Variants in C3orf70 observed in about 807,000 individuals in gnomAD.
C3orf70 encodes chromosome 3 open reading frame 70.
A neutral mutation model predicts 20.7 loss-of-function variants in C3orf70; 15 were observed. The observed-to-expected ratio is 0.72, with a 90% CI of 0.48 to 1.11. The LOEUF (loss-of-function observed/expected upper bound fraction) is 1.11. C3orf70 is among the 50% of genes most tolerant of loss of function. C3orf70 has a pLI of 0.00. For synonymous variants in C3orf70, 161 were observed against 125.7 expected (o/e 1.28, Z -1.88); for missense variants, 332 against 317.6 (o/e 1.05, Z -0.34).
intron 1 of C3orf70, among the ~76,000 whole-genome samples, chr3:185,113,285 C>CAAA (rs55966497): frequency 1.4e-5 from 2 of 138,500 alleles, no homozygotes; most frequent in African/African-American, 5.5e-5. Context: ...CTAAAAAATA[C>CAAA]AAAAAAGAAA....
chr3:185,082,722 C>T lies in C3orf70; in HGVS notation c.*285G>A, dbSNP rs1416005362. ...AGATTCTCTGCGACCATCACTTCACCGCCTTCAAATCTCCCAGTGAAATTA... is the reference window on the plus strand; with the variant it reads ...AGATTCTCTGCGACCATCACTTCACTGCCTTCAAATCTCCCAGTGAAATTA... On this transcript the variant is annotated 3_prime_UTR_variant, in exon 2 of 2. Coordinates refer to ENST00000335012, the MANE Select transcript of C3orf70 (RefSeq NM_001025266.3). The T allele has an allele frequency of 1.4e-5, 5 of 368,532 alleles. No homozygotes were observed. The highest frequency in any genetic ancestry group is 8.9e-5 in the South Asian group (2 of 22,454). The allele number at this position is 368,532 out of a possible 1,614,324, so 22.8% of individuals were successfully genotyped here.
At chr3:185,093,431 A>G (rs1715635156) in intron 1 of C3orf70, among the ~76,000 whole-genome samples, 1 of 152,216 alleles carries the variant, frequency 6.6e-6, no homozygotes, top group African/African-American at 2.4e-5. Flanking sequence ...TTTTAACCAC[A>G]TTTAGTCCTA....
At chr3:185,110,017 C>G (rs1716037673) in intron 1 of C3orf70, among the ~76,000 whole-genome samples, 1 of 152,166 alleles carries the variant, frequency 6.6e-6, no homozygotes, top group African/African-American at 2.4e-5. Flanking sequence ...ACACTATGTT[C>G]AGCTGGTCTG....
intron 1 of C3orf70, among the ~76,000 whole-genome samples, chr3:185,124,979 T>C (rs564399607): frequency 7.2e-5 from 11 of 152,290 alleles, no homozygotes; most frequent in Non-Finnish European, 1.0e-4. Context: ...TATATTTAAA[T>C]TGATACTTTT....
In C3orf70 at chr3:185,077,520, T is replaced by C. The variant is rs1358116067; in HGVS notation, c.*5487A>G. 1.3e-5 allele frequency among the ~76,000 whole-genome samples: 2 copies of C among 152,178 alleles called. No homozygotes were observed. Among genetic ancestry groups the C allele is most frequent in the Admixed American group, 6.5e-5 (1 of 15,284 alleles). On this transcript the variant is annotated 3_prime_UTR_variant, in exon 2 of 2. Transcript: ENST00000335012. ...TTAATATTAACAAGGATTTTATTACTGATAATGACTTTATTTAGCAGTTCC... is the reference window on the plus strand; with the variant it reads ...TTAATATTAACAAGGATTTTATTACCGATAATGACTTTATTTAGCAGTTCC...
chr3:185,152,911 G>A lies in C3orf70; in HGVS notation c.-88C>T. On this transcript the variant is annotated 5_prime_UTR_variant, in exon 1 of 2. Coordinates refer to ENST00000335012, the MANE Select transcript of C3orf70 (RefSeq NM_001025266.3). ...GGAAGCCGAGCCGGCTGCGGACGCG[G>A]GAGGGCGCGGCACGGGCCGGGAGTC... 2 of 1,266,692 alleles carry A rather than the reference G, an allele frequency of 1.6e-6. No individual in the cohort carries two copies. Among genetic ancestry groups the A allele is most frequent in the South Asian group, 3.4e-5 (2 of 58,706 alleles). 78.5% of individuals were successfully genotyped at this position (1,266,692 alleles called of 1,614,324 possible). A position where few individuals can be genotyped will look rare whatever the true frequency, so the allele number is the denominator to read the frequency against.
chr3:185,139,850 C>T (rs1009527881), intron 1 of C3orf70, among the ~76,000 whole-genome samples: 3 of 151,616 alleles, frequency 2.0e-5, no homozygotes, highest in South Asian at 2.1e-4. Flanking sequence ...GAATTAAATA[C>T]GAAACTTAAA....
Position 185,082,944 on chromosome 3 carries a change from T to C in C3orf70, c.*63A>G. On this transcript the variant is annotated 3_prime_UTR_variant, in exon 2 of 2. Transcript: ENST00000335012. ...ATATCAACAGCATTGGAAAAAAGGA[T>C]CCACCAGACAAAGGTACAAAAGCTC... 2 of 1,504,884 alleles carry C rather than the reference T, an allele frequency of 1.3e-6. No homozygotes were observed. Among genetic ancestry groups the C allele is most frequent in the Non-Finnish European group, 9.0e-7 (1 of 1,109,574 alleles). 93.2% of individuals were successfully genotyped at this position (1,504,884 alleles called of 1,614,324 possible).
chr3:185,123,791 G>A (rs1176976386), intron 1 of C3orf70, among the ~76,000 whole-genome samples: 2 of 152,092 alleles, frequency 1.3e-5, no homozygotes, highest in Non-Finnish European at 2.9e-5. Context: ...ATTCTGTCAT[G>A]TTTTTACATG....
intron 1 of C3orf70, among the ~76,000 whole-genome samples, chr3:185,094,771 C>G (rs554141975): frequency 6.6e-6 from 1 of 152,266 alleles, no homozygotes; most frequent in Admixed American, 6.5e-5. Flanking sequence ...TCATACTTAT[C>G]CACCTGGAGC....
intron 1 of C3orf70, among the ~76,000 whole-genome samples, chr3:185,112,204 C>T (rs753249313): frequency 5.9e-5 from 9 of 152,092 alleles, no homozygotes; most frequent in East Asian, 1.9e-4. Context: ...GCAGGAGAAT[C>T]GCTTGAACCT....
chr3:185,096,873 G>A (rs1416395293), intron 1 of C3orf70, among the ~76,000 whole-genome samples: 3 of 152,090 alleles, frequency 2.0e-5, no homozygotes, highest in African/African-American at 2.4e-5. Context: ...GCAGAGGGCC[G>A]CTTCCTGCTT....
At chr3:185,098,917 T>TC (rs1011623489) in intron 1 of C3orf70, among the ~76,000 whole-genome samples, 1 of 152,156 alleles carries the variant, frequency 6.6e-6, no homozygotes, top group Non-Finnish European at 1.5e-5. Context: ...CTCTCCAGGG[T>TC]CTCCGGCCTG....
Position 185,083,172 on chromosome 3 carries a change from C to T in C3orf70, c.588G>A (p.Gly196=). The T allele has an allele frequency of 6.2e-7, 1 of 1,614,114 alleles. No individual in the cohort carries two copies. Among genetic ancestry groups the T allele is most frequent in the South Asian group, 1.1e-5 (1 of 91,072 alleles). Residue 196 remains glycine, a synonymous_variant, in exon 2 of 2, where the codon GGG becomes GGA. Coordinates refer to ENST00000335012, the MANE Select transcript of C3orf70 (RefSeq NM_001025266.3). ...CGTCACACGATTCCACATAGTGAGC[C>T]CCAATCGCATTGATCCCAGAGTCCT... ...SSEDSGINAI[G]AHYVESCDED...
intron 1 of C3orf70, among the ~76,000 whole-genome samples, chr3:185,084,864 T>C (rs570632668): frequency 6.6e-6 from 1 of 152,304 alleles, no homozygotes; most frequent in African/African-American, 2.4e-5. Flanking sequence ...CAGAGACAAG[T>C]AGCCACAATT....
intron 1 of C3orf70, among the ~76,000 whole-genome samples, chr3:185,091,872 A>AATATTATTATATATAT (rs1341751288): frequency 8.1e-6 from 1 of 123,294 alleles, no homozygotes; most frequent in African/African-American, 3.5e-5. Context: ...TATTATATAT[A>AATATTATTATATATAT]TATATATAAT....
intron 1 of C3orf70, among the ~76,000 whole-genome samples, chr3:185,120,827 C>A (rs775169398): frequency 6.6e-5 from 10 of 150,454 alleles, no homozygotes; most frequent in African/African-American, 2.0e-4. Flanking sequence ...TATGGAGATT[C>A]CTTAAAGAAC....
chr3:185,104,733 C>T (rs180807321), intron 1 of C3orf70, among the ~76,000 whole-genome samples: 1 of 152,168 alleles, frequency 6.6e-6, no homozygotes, highest in East Asian at 1.9e-4. Flanking sequence ...AAACAGAAAA[C>T]CAAATACCGC....
chr3:185,091,002 T>A (rs552807729), intron 1 of C3orf70, among the ~76,000 whole-genome samples: 1 of 152,314 alleles, frequency 6.6e-6, no homozygotes, highest in East Asian at 1.9e-4. Context: ...ACGCATGGCT[T>A]ATTTACTCAG....
Sources: gnomAD v4.1 joint callset for allele counts (sites outside exome capture counted in the v4.1 genomes callset) on GRCh38, gnomAD v4.1.1 for gene constraint, MANE v1.5 for transcripts, NCBI Gene and HGNC (gene_info 2026-07-23, HGNC 2026-07-21) for gene names.